Variants in FUT6 observed in about 807,000 individuals in gnomAD.
FUT6 encodes 4-galactosyl-N-acetylglucosaminide 3-alpha-L-fucosyltransferase FUT6.
For missense variants in FUT6, 454 were observed against 494.6 expected, an observed-to-expected ratio of 0.92 and a Z score of 0.78; for synonymous variants, 187 against 209.9, an observed-to-expected ratio of 0.89 and a Z score of 0.94.
At chr19:5,836,367 C>A (rs1036798542) in intron 1 of FUT6, among the ~76,000 whole-genome samples, 1 of 151,844 alleles carries the variant, frequency 6.6e-6, no homozygotes, top group African/African-American at 2.4e-5. Context: ...AGGCACGTGC[C>A]ATCATGCCTG....
At position 5,832,039 on chromosome 19, in the gene FUT6, G is replaced by A; in HGVS notation, c.529C>T (p.Gln177Ter). Residue 177 changes from glutamine to a stop codon, truncating the protein, a stop_gained, in exon 3 of 3, where the codon CAG (glutamine) becomes TAG (stop). Coordinates refer to ENST00000318336, the MANE Select transcript of FUT6 (RefSeq NM_000150.4). LOFTEE classifies it low-confidence loss of function (END_TRUNC). This position sits in a 1 kb window ranked among gnomAD's most constrained non-coding sequence, Gnocchi z 4.3. Reference sequence around the variant, plus strand: ...AGGTTGAGCGGTGGGTGGGCAGGCTGGCCGGACCACGGCTCCAGCCAGCCG... The same window carrying A: ...AGGTTGAGCGGTGGGTGGGCAGGCTAGCCGGACCACGGCTCCAGCCAGCCG... The part of the protein sequence containing the change: ...PYGWLEPWSG[Q>*]PAHPPLNLSA... The A allele has an allele frequency of 1.2e-6, 2 of 1,613,658 alleles. No homozygotes were observed. Among genetic ancestry groups the A allele is most frequent in the Non-Finnish European group, 1.7e-6 (2 of 1,180,038 alleles).
Position 5,830,955 on chromosome 19 carries a change from T to G in FUT6, c.*533A>C. The stretch of plus-strand genomic sequence containing the variant: ...ACATCTGGAAACGGTGCGGTGATTA[T>G]CTCTCTGCACCCCTCACAGGCGGCT... On this transcript the variant is annotated 3_prime_UTR_variant, in exon 3 of 3. Transcript: ENST00000318336. 1 of 340,980 alleles carries G rather than the reference T, an allele frequency of 2.9e-6. No homozygotes were observed. Among genetic ancestry groups the G allele is most frequent in the Non-Finnish European group, 5.6e-6 (1 of 178,114 alleles). 21.1% of individuals were successfully genotyped at this position (340,980 alleles called of 1,614,324 possible).
At chr19:5,838,552 C>G (rs950553399) in intron 1 of FUT6, 125 bp downstream of exon 1, 4 of 152,358 alleles carry the variant, frequency 2.6e-5, no homozygotes, top group African/African-American at 7.2e-5. Flanking sequence ...CTTGTGCCAG[C>G]CCACCCGCAC....
chr19:5,835,702 G>A lies in FUT6; in HGVS notation c.-140-625C>T, dbSNP rs561878124. Among the ~76,000 whole-genome samples the A allele has an allele frequency of 6.6e-5, 10 of 152,260 alleles. No individual in the cohort carries two copies. The South Asian group carries it at 2.1e-3, about 32-fold the overall frequency. ...ACAAGAGAATTGCTTGAACCTGGGA[G>A]ACAGAGGTTGCAGTGAGCCGAGATT... is the stretch of plus-strand genomic sequence containing the variant. On this transcript the variant is annotated intron_variant, in intron 1 of 2. Coordinates refer to ENST00000318336, the MANE Select transcript of FUT6 (RefSeq NM_000150.4).
At chr19:5,836,598 G>A (rs191454233) in intron 1 of FUT6, among the ~76,000 whole-genome samples, 1 of 152,328 alleles carries the variant, frequency 6.6e-6, no homozygotes, top group East Asian at 1.9e-4. Context: ...GGCGGCTGAG[G>A]TGGGAGGATC....
Position 5,832,995 on chromosome 19 carries a change from G to A in FUT6, c.-12-416C>T, listed in dbSNP as rs1275236552. On this transcript the variant is annotated intron_variant, in intron 2 of 2. Coordinates refer to ENST00000318336, the MANE Select transcript of FUT6 (RefSeq NM_000150.4). The surrounding 1 kb of genome is among the most constrained non-coding windows in gnomAD (Gnocchi z 4.3). ...TGACTCTGCTGGGGAAGGGCACAAT[G>A]GGATTGGGTTTTGGAGGTAATATAA... 1 of 221,160 alleles carries A rather than the reference G, an allele frequency of 4.5e-6. No homozygotes were observed. Among genetic ancestry groups the A allele is most frequent in the African/African-American group, 2.3e-5 (1 of 44,212 alleles). The allele number at this position is 221,160 out of a possible 1,614,324, so 13.7% of individuals were successfully genotyped here.
At chr19:5,834,057 G>C (rs904605288) in intron 2 of FUT6, among the ~76,000 whole-genome samples, 2 of 152,062 alleles carry the variant, frequency 1.3e-5, no homozygotes, top group African/African-American at 4.8e-5. Context: ...ACTTGAACCT[G>C]GGAAGCAGAG....
At chr19:5,836,206 A>ATTTTCTTTTC (rs112868050) in intron 1 of FUT6, among the ~76,000 whole-genome samples, 45,515 of 121,428 alleles carry the variant, frequency 0.37, 7,263 homozygotes, top group Non-Finnish European at 0.42. Flanking sequence ...GCTAATGTTA[A>ATTTTCTTTTC]TTTTCTTTTC....
intron 2 of FUT6, among the ~76,000 whole-genome samples, chr19:5,833,156 C>T (rs947332977): frequency 4.6e-5 from 7 of 152,268 alleles, no homozygotes; most frequent in Admixed American, 2.0e-4. Context: ...CTGCCAGTGT[C>T]GAGTTCATAT....
At position 5,831,608 on chromosome 19, in the gene FUT6, G is replaced by A. The variant is rs1568404007; in HGVS notation, c.960C>T (p.Arg320=). ...KDHARYLSYF[R]WRETLRPRSF... is the part of the protein sequence containing the mutation. ...AGCGAGGCCGCAGCGTCTCCCGCCA[G>A]CGAAAGTAGCTCAGGTAGCGGGCGT... is the stretch of plus-strand genomic sequence containing the variant. Residue 320 remains arginine (R), a synonymous_variant, in exon 3 of 3, where the codon CGC becomes CGT. Coordinates refer to ENST00000318336, the MANE Select transcript of FUT6 (RefSeq NM_000150.4). The surrounding 1 kb of genome is among the most constrained non-coding windows in gnomAD (Gnocchi z 7.0). The A allele has an allele frequency of 7.4e-6, 12 of 1,614,078 alleles. No individual in the cohort carries two copies. Among genetic ancestry groups the A allele is most frequent in the African/African-American group, 1.3e-5 (1 of 75,070 alleles).
chr19:5,835,191 G>A (rs1413594215), intron 1 of FUT6, 114 bp from the exon 2 acceptor site: 2 of 152,182 alleles, frequency 1.3e-5, no homozygotes, highest in African/African-American at 2.4e-5. Context: ...CCATTCCTAG[G>A]TCCTTCCCGC....
At chr19:5,835,948 G>A (rs535193345) in intron 1 of FUT6, among the ~76,000 whole-genome samples, 1 of 152,230 alleles carries the variant, frequency 6.6e-6, no homozygotes, top group South Asian at 2.1e-4. Flanking sequence ...GAGTGCAGTG[G>A]TGTGATCTTG....
chr19:5,833,055 G>A (rs1164050970), intron 2 of FUT6: 2 of 170,446 alleles, frequency 1.2e-5, no homozygotes, highest in East Asian at 1.5e-4. Context: ...GTGGGAAAGG[G>A]TGCTCCTGGC....
At position 5,832,783 on chromosome 19, in the gene FUT6, T is replaced by C. The variant is rs2057125234; in HGVS notation, c.-12-204A>G. The C allele has an allele frequency of 1.7e-6, 1 of 595,192 alleles. No individual in the cohort carries two copies. The highest frequency in any genetic ancestry group is 3.0e-6 in the Non-Finnish European group (1 of 335,570). The allele number at this position is 595,192 out of a possible 1,614,324, so 36.9% of individuals were successfully genotyped here. On this transcript the variant is annotated intron_variant, in intron 2 of 2. Coordinates refer to ENST00000318336, the MANE Select transcript of FUT6 (RefSeq NM_000150.4). The surrounding 1 kb of genome is among the most constrained non-coding windows in gnomAD (Gnocchi z 4.3). ...CCCAGAGTCCACTTCCTCCCACCCA[T>C]TAGACAACAGGCCCTTTCTACATGG... is the stretch of plus-strand genomic sequence containing the variant.
intron 1 of FUT6, among the ~76,000 whole-genome samples, chr19:5,836,507 C>T (rs1405263594): frequency 6.6e-6 from 1 of 152,134 alleles, no homozygotes; most frequent in African/African-American, 2.4e-5. Flanking sequence ...TGCACCACGG[C>T]GCCCGGCCCA....
rs1453158133 is a variant in FUT6 at position 5,831,227 on chromosome 19, C to T, written c.*261G>A. ...AGGCCAGGCTTCCGCAGGGGACGCTCCTGGAAGCCAGCATGTGAAATCCCA... is the reference window on the plus strand; with the variant it reads ...AGGCCAGGCTTCCGCAGGGGACGCTTCTGGAAGCCAGCATGTGAAATCCCA... On this transcript the variant is annotated 3_prime_UTR_variant, in exon 3 of 3. Transcript: ENST00000318336. This position sits in a 1 kb window ranked among gnomAD's most constrained non-coding sequence, Gnocchi z 7.0. 101 of 825,198 alleles carry T rather than the reference C, an allele frequency of 1.2e-4. 1 individual carries two copies. Among genetic ancestry groups the T allele is most frequent in the South Asian group, 1.1e-3 (80 of 74,626 alleles). 51.1% of individuals were successfully genotyped at this position (825,198 alleles called of 1,614,324 possible).
intron 1 of FUT6, among the ~76,000 whole-genome samples, chr19:5,835,558 C>A (rs149138148): frequency 1.3e-5 from 2 of 151,978 alleles, no homozygotes; most frequent in East Asian, 3.9e-4. Flanking sequence ...CTGAGGTGGG[C>A]GGATTACCTG....
Position 5,832,446 on chromosome 19 carries a change from G to A in FUT6, c.122C>T (p.Pro41Leu). The change falls in exon 3 of 3, where the codon CCC becomes CTC. Residue 41 changes from proline (P) to leucine (L), a missense_variant. Transcript: ENST00000318336. This position sits in a 1 kb window ranked among gnomAD's most constrained non-coding sequence, Gnocchi z 4.3. ...GCGGGACCCATTAGGGTACACAGTG[G>A]GATCGTCTTGAGACACACGCAGATA... ...FSYLRVSQDD[P>L]TVYPNGSRFP... 4 of 1,613,910 alleles carry A rather than the reference G, an allele frequency of 2.5e-6. No homozygotes were observed. Among genetic ancestry groups the A allele is most frequent in the Non-Finnish European group, 3.4e-6 (4 of 1,179,992 alleles).
At position 5,831,908 on chromosome 19, in the gene FUT6, C is replaced by G. The variant is rs753708340; in HGVS notation, c.660G>C (p.Val220=). The change falls in exon 3 of 3, where the codon GTG becomes GTC. Residue 220 remains valine, a synonymous_variant. Coordinates refer to ENST00000318336, the MANE Select transcript of FUT6 (RefSeq NM_000150.4). The surrounding 1 kb of genome is among the most constrained non-coding windows in gnomAD (Gnocchi z 7.0). ...GCAGGGGCTTGTGGGAGCGTCCGTA[C>G]ACGTCCACCTTGAGATGGGCCTGCA... ...QSLQAHLKVD[V]YGRSHKPLPQ... 1 of 1,613,954 alleles carries G rather than the reference C, an allele frequency of 6.2e-7. No individual in the cohort carries two copies. Among genetic ancestry groups the G allele is most frequent in the African/African-American group, 1.3e-5 (1 of 75,030 alleles).
Sources: allele counts gnomAD v4.1 joint callset (sites outside exome capture counted in the v4.1 genomes callset), GRCh38; gene constraint gnomAD v4.1.1; non-coding constraint Gnocchi (gnomAD v3.1); transcripts MANE v1.5; gene names NCBI Gene and HGNC (gene_info 2026-07-23, HGNC 2026-07-21).